IGSF9: variants seen among roughly 807,000 people sequenced by gnomAD.
IGSF9 encodes protein turtle homolog A.
In IGSF9, 87 loss-of-function variants were observed where a neutral mutation model predicts 121.7. The observed-to-expected ratio is 0.71, with a 90% CI of 0.60 to 0.85. IGSF9 has a LOEUF of 0.85. Ranked by LOEUF, IGSF9 falls within the 40% of genes least tolerant of loss-of-function variation. The probability of loss-of-function intolerance (pLI) is 0.00; values close to 1 mark genes in which losing one functional copy is unlikely to be tolerated. For missense variants in IGSF9, 1,462 were observed against 1,565.3 expected, an observed-to-expected ratio of 0.93 and a Z score of 1.11; for synonymous variants, 640 against 648.4, an observed-to-expected ratio of 0.99 and a Z score of 0.20.
Position 159,943,163 on chromosome 1 carries a change from G to A in IGSF9, c.59-12C>T, listed in dbSNP as rs752936448. The A allele has an allele frequency of 4.4e-6, 7 of 1,580,016 alleles. No homozygotes were observed. The highest frequency in any genetic ancestry group is 5.1e-6 in the Non-Finnish European group (6 of 1,167,016). ...AGGCTTCCCTCGACCTGCATGATGG[G>A]TGGCATGAGGGCACAACGGGGGGCT... is the stretch of plus-strand genomic sequence containing the variant. On this transcript the variant is annotated splice_polypyrimidine_tract_variant and intron_variant, in intron 2 of 20. Transcript: ENST00000368094.
rs769032688 is a variant in IGSF9 at position 159,930,272 on chromosome 1, G to A, written c.1981C>T (p.Arg661Trp). The change falls in exon 15 of 21, where the codon CGG becomes TGG. Residue 661 changes from arginine to tryptophan, a missense_variant. This residue lies in a region of IGSF9 where 808 missense variants were observed against 815.2 expected (regional missense o/e 0.99). Transcript: ENST00000368094. The part of the protein sequence containing the change: ...KRLDGYVLEG[R>W]QGSQGWEVLD... ...ACCTCCCAGCCCTGGGAGCCTTGCC[G>A]GCCTTCCAAGACGTAGCCATCCAGT... is the stretch of plus-strand genomic sequence containing the variant. The A allele has an allele frequency of 6.8e-6, 11 of 1,613,784 alleles. No individual in the cohort carries two copies. In the South Asian group the frequency reaches 9.9e-5, roughly 15 times the overall value.
rs1469254159 is a variant in IGSF9, at chr1:159,943,420, A to T, written c.35T>A (p.Leu12Gln). Residue 12 changes from leucine (L) to glutamine (Q), a missense_variant, in exon 2 of 21, where the codon CTG (leucine) becomes CAG (glutamine). Around this residue, in one of 3 missense-constraint regions of IGSF9, gnomAD observed 558 missense variants for 599.4 expected, o/e 0.93. Transcript: ENST00000368094. ...ACCGTCAGCCCCCTGGCTGATGACCAGGCTGAGGACGGCCAGGCCGAGGCA... is the reference window on the plus strand; with the variant it reads ...ACCGTCAGCCCCCTGGCTGATGACCTGGCTGAGGACGGCCAGGCCGAGGCA... ...VWCLGLAVLS[L>Q]VISQGADGRG... The T allele has an allele frequency of 6.3e-7, 1 of 1,589,710 alleles. No individual in the cohort carries two copies. The highest frequency in any genetic ancestry group is 1.1e-5 in the South Asian group (1 of 86,992).
chr1:159,944,263 AC>A (rs1557938910), intron 1 of IGSF9, among the ~76,000 whole-genome samples: 1 of 151,982 alleles, frequency 6.6e-6, no homozygotes. Flanking sequence ...GAAGCTGAGG[AC>A]CCGAGGCCTT....
At chr1:159,943,314 G>T in intron 2 of IGSF9, 83 bp downstream of exon 2, 1 of 1,401,210 alleles carries the variant, frequency 7.1e-7, no homozygotes, top group Admixed American at 2.8e-5. Context: ...GCCCTCACAT[G>T]CTCAAAGAGG....
At chr1:159,937,560 G>A (rs1651234491) in intron 4 of IGSF9, 126 bp downstream of exon 4, 1 of 1,015,190 alleles carries the variant, frequency 9.9e-7, no homozygotes, top group South Asian at 1.5e-5. Context: ...CTCTCAGGAA[G>A]GGTGGGGCAT....
chr1:159,943,608 C>A lies in IGSF9; in HGVS notation c.-154G>T. ...GCTCATGTAACACCCGAGGAAGCTG[C>A]TCTCCGGAGAACCACCAGATCTAAA... is the stretch of plus-strand genomic sequence containing the variant. On this transcript the variant is annotated 5_prime_UTR_variant, in exon 2 of 21. Coordinates refer to ENST00000368094, the MANE Select transcript of IGSF9 (RefSeq NM_001135050.2). 1.7e-6 allele frequency: 1 copy of A among 572,526 alleles called. No homozygotes were observed. Among genetic ancestry groups the A allele is most frequent in the Non-Finnish European group, 2.9e-6 (1 of 350,070 alleles). 35.5% of individuals were successfully genotyped at this position (572,526 alleles called of 1,614,324 possible).
intron 5 of IGSF9, 105 bp downstream of exon 5, chr1:159,936,649 T>C (rs1412435194): frequency 6.5e-7 from 1 of 1,533,826 alleles, no homozygotes; most frequent in African/African-American, 1.4e-5. Context: ...TTCTGGCCCA[T>C]CCTCCAGCCT....
At position 159,932,420 on chromosome 1, in the gene IGSF9, G is replaced by GCCCCCCCC; in HGVS notation, c.1245+91_1245+92insGGGGGGGG. On this transcript the variant is annotated intron_variant, in intron 10 of 20. Transcript: ENST00000368094. This position sits in a 1 kb window ranked among gnomAD's most constrained non-coding sequence, Gnocchi z 4.1. Reference sequence around the variant, plus strand: ...CTTGGAAACCCCTCCCCATGTGTCTGCCCCACCCCACCCCCATCAGCCTGG... The same window carrying GCCCCCCCC: ...CTTGGAAACCCCTCCCCATGTGTCTGCCCCCCCCCCCCACCCCACCCCCATCAGCCTGG... 9.8e-7 allele frequency: 1 copy of GCCCCCCCC among 1,021,814 alleles called. No homozygotes were observed. The highest frequency in any genetic ancestry group is 1.5e-6 in the Non-Finnish European group (1 of 689,030). 63.3% of individuals were successfully genotyped at this position (1,021,814 alleles called of 1,614,324 possible).
rs148512070 is a variant in IGSF9 at position 159,944,802 on chromosome 1, A to G, written c.-175+771T>C. Reference sequence around the variant, plus strand: ...TCCACAGAGTCTGATCCTTGCCTCTACTTAATGATCCTGTATGTCTAACTT... The same window carrying G: ...TCCACAGAGTCTGATCCTTGCCTCTGCTTAATGATCCTGTATGTCTAACTT... On this transcript the variant is annotated intron_variant, in intron 1 of 20. Coordinates refer to ENST00000368094, the MANE Select transcript of IGSF9 (RefSeq NM_001135050.2). Among the ~76,000 whole-genome samples, 14 of 152,274 alleles carry G rather than the reference A, an allele frequency of 9.2e-5. No individual in the cohort carries two copies. The East Asian group carries it at 2.7e-3, about 29-fold the overall frequency.
chr1:159,943,030 A>G lies in IGSF9; in HGVS notation c.180T>C (p.Phe60=), dbSNP rs769795813. ...PPLHVIEWLR[F]GFLLPIFIQF... Reference sequence around the variant, plus strand: ...GGATGAAGATGGGAAGCAGGAATCCAAAGCGCAGCCACTCGATGACATGCA... The same window carrying G: ...GGATGAAGATGGGAAGCAGGAATCCGAAGCGCAGCCACTCGATGACATGCA... The change falls in exon 3 of 21, where the codon TTT becomes TTC. Residue 60 remains phenylalanine (F), a synonymous_variant. Coordinates refer to ENST00000368094, the MANE Select transcript of IGSF9 (RefSeq NM_001135050.2). The G allele has an allele frequency of 6.2e-7, 1 of 1,613,420 alleles. No homozygotes were observed. Among genetic ancestry groups the G allele is most frequent in the South Asian group, 1.1e-5 (1 of 90,966 alleles).
chr1:159,943,300 C>A, intron 2 of IGSF9, 97 bp downstream of exon 2: 1 of 1,370,646 alleles, frequency 7.3e-7, no homozygotes, highest in Non-Finnish European at 9.8e-7. Flanking sequence ...CCTATTCCTC[C>A]CCTGCCCTCA....
intron 6 of IGSF9, 106 bp from the exon 7 acceptor site, chr1:159,934,928 G>A: frequency 2.2e-6 from 3 of 1,372,348 alleles, no homozygotes; most frequent in Non-Finnish European, 3.0e-6. Flanking sequence ...GAATCTTAGG[G>A]CTCGTTGTTA....
Position 159,943,126 on chromosome 1 carries a change from C to G in IGSF9, c.84G>C (p.Ser28=). 1 of 1,597,128 alleles carries G rather than the reference C, an allele frequency of 6.3e-7. No individual in the cohort carries two copies. The highest frequency in any genetic ancestry group is 8.5e-7 in the Non-Finnish European group (1 of 1,174,618). ...ADGRGKPEVV[S]VVGRAGESVV... ...CACTCTCCCCAGCCCGGCCCACCAC[C>G]GATACCACCTCAGGCTTCCCTCGAC... Residue 28 remains serine, a synonymous_variant, in exon 3 of 21, where the codon TCG becomes TCC. Coordinates refer to ENST00000368094, the MANE Select transcript of IGSF9 (RefSeq NM_001135050.2).
chr1:159,929,796 G>C lies in IGSF9; in HGVS notation c.2168C>G (p.Ser723Trp). The C allele has an allele frequency of 6.2e-7, 1 of 1,605,614 alleles. No homozygotes were observed. Among genetic ancestry groups the C allele is most frequent in the East Asian group, 2.3e-5 (1 of 44,444 alleles). ...VSTSGLEVYP[S>W]RTQLPGLLPQ... ...CAGGAGGCCCGGCAGCTGCGTGCGC[G>C]AAGGGTAGACCTCCAGACCTAGGCA... Residue 723 changes from serine to tryptophan, a missense_variant, in exon 17 of 21, where the codon TCG becomes TGG. Around this residue, in one of 3 missense-constraint regions of IGSF9, gnomAD observed 808 missense variants for 815.2 expected, o/e 0.99. Coordinates refer to ENST00000368094, the MANE Select transcript of IGSF9 (RefSeq NM_001135050.2).
chr1:159,934,122 T>G lies in IGSF9; in HGVS notation c.1104+68A>C, dbSNP rs911051619. ...CTGAACTGAATTAAACCGAGCTAACTCCACCCTGCTGTCCTGAGCAGAATA... is the reference window on the plus strand; with the variant it reads ...CTGAACTGAATTAAACCGAGCTAACGCCACCCTGCTGTCCTGAGCAGAATA... On this transcript the variant is annotated intron_variant, in intron 9 of 20. Transcript: ENST00000368094. 5 of 1,536,278 alleles carry G rather than the reference T, an allele frequency of 3.3e-6. No homozygotes were observed. In the African/African-American group the frequency reaches 6.9e-5, roughly 21 times the overall value.
At chr1:159,934,844 G>A in intron 6 of IGSF9, 22 bp from the exon 7 acceptor site, 1 of 1,613,510 alleles carries the variant, frequency 6.2e-7, no homozygotes, top group African/African-American at 1.3e-5. Context: ...ACAAGGGGAG[G>A]AAGGTGGCCT....
Position 159,927,159 on chromosome 1 carries a change from C to T in IGSF9, c.*186G>A. On this transcript the variant is annotated 3_prime_UTR_variant, in exon 21 of 21. Coordinates refer to ENST00000368094, the MANE Select transcript of IGSF9 (RefSeq NM_001135050.2). Reference sequence around the variant, plus strand: ...AGACCTAAGATCCCTGTTCCAATCCCCAGACTCACCTAGGGGGTCAGCACA... The same window carrying T: ...AGACCTAAGATCCCTGTTCCAATCCTCAGACTCACCTAGGGGGTCAGCACA... 1.6e-6 allele frequency: 1 copy of T among 640,558 alleles called. No homozygotes were observed. Among genetic ancestry groups the T allele is most frequent in the African/African-American group, 1.8e-5 (1 of 54,306 alleles). The allele number at this position is 640,558 out of a possible 1,614,324, so 39.7% of individuals were successfully genotyped here.
chr1:159,929,492 T>C, intron 17 of IGSF9, 99 bp from the exon 18 acceptor site: 1 of 1,527,156 alleles, frequency 6.5e-7, no homozygotes, highest in Non-Finnish European at 8.9e-7. Context: ...CCCATCCGGC[T>C]GGGAAAAGCG....
At position 159,928,359 on chromosome 1, in the gene IGSF9, G is replaced by C. The variant is rs1650827550; in HGVS notation, c.3029C>G (p.Pro1010Arg). The change falls in exon 19 of 21, where the codon CCA (proline) becomes CGA (arginine). Residue 1010 changes from proline to arginine, a missense_variant. Coordinates refer to ENST00000368094, the MANE Select transcript of IGSF9 (RefSeq NM_001135050.2). ...ADWTLRERLL[P>R]GLLPAAPRGS... ...TCGAGGGGCAGCAGGGAGAAGGCCT[G>C]GCAGCAGCCGCTCCCTCAGTGTCCA... 3 of 1,609,132 alleles carry C rather than the reference G, an allele frequency of 1.9e-6. No individual in the cohort carries two copies. Among genetic ancestry groups the C allele is most frequent in the Non-Finnish European group, 2.5e-6 (3 of 1,177,976 alleles).
Sources: allele counts gnomAD v4.1 joint callset (sites outside exome capture counted in the v4.1 genomes callset), GRCh38; gene constraint gnomAD v4.1.1; regional missense constraint gnomAD v4.1.1; non-coding constraint Gnocchi (gnomAD v3.1); transcripts MANE v1.5; gene names NCBI Gene and HGNC (gene_info 2026-07-23, HGNC 2026-07-21).